PIP4K2A: variants seen among roughly 807,000 people sequenced by gnomAD.
PIP4K2A encodes the protein phosphatidylinositol 5-phosphate 4-kinase type-2 alpha.
PIP4K2A carries 14 observed loss-of-function variants against 42.9 expected under a neutral mutation model. The ratio of observed to expected loss-of-function variants is 0.33; its 90% CI spans 0.22 to 0.51. PIP4K2A has a LOEUF of 0.51. PIP4K2A is among the 20% of genes least tolerant of loss of function. The pLI is 0.97. For missense variants in PIP4K2A, 434 were observed against 519.8 expected, an observed-to-expected ratio of 0.83 and a Z score of 1.61; for synonymous variants, 192 against 192.2, an observed-to-expected ratio of 1.00 and a Z score of 0.01.
chr10:22,621,134 G>A (rs931120136), intron 1 of PIP4K2A, among the ~76,000 whole-genome samples: 3 of 152,222 alleles, frequency 2.0e-5, no homozygotes, highest in Non-Finnish European at 4.4e-5. Flanking sequence ...GGATAAGACA[G>A]ATAAGAGCCA....
intron 1 of PIP4K2A, among the ~76,000 whole-genome samples, chr10:22,697,473 T>C (rs770775778): frequency 4.6e-5 from 7 of 152,134 alleles, no homozygotes; most frequent in Non-Finnish European, 8.8e-5. Flanking sequence ...CCCAAAACTT[T>C]AGGAGGCCGA....
chr10:22,670,477 A>G (rs1839427585), intron 1 of PIP4K2A, among the ~76,000 whole-genome samples: 1 of 152,202 alleles, frequency 6.6e-6, no homozygotes, highest in Non-Finnish European at 1.5e-5. Flanking sequence ...GGTGTTCACT[A>G]CAAAGACAGG....
At chr10:22,673,650 AT>A (rs1839498217) in intron 1 of PIP4K2A, among the ~76,000 whole-genome samples, 1 of 152,184 alleles carries the variant, frequency 6.6e-6, no homozygotes, top group Admixed American at 6.5e-5. Flanking sequence ...AAAATAAAAA[AT>A]AAAAAAAATA....
intron 5 of PIP4K2A, among the ~76,000 whole-genome samples, chr10:22,570,469 G>A (rs1353016105): frequency 6.6e-6 from 1 of 152,182 alleles, no homozygotes; most frequent in Non-Finnish European, 1.5e-5. Flanking sequence ...AGGATGGCTG[G>A]GATTTCCCCA....
chr10:22,543,498 C>T (rs546090547), intron 7 of PIP4K2A, among the ~76,000 whole-genome samples: 4 of 152,332 alleles, frequency 2.6e-5, no homozygotes, highest in South Asian at 2.1e-4. Flanking sequence ...GGGGCTCCTG[C>T]GTTCAGCTTT....
chr10:22,536,969 C>G lies in PIP4K2A; in HGVS notation c.*232G>C. ...CGCGCACACACTCACCCCCCCCCAA[C>G]ACACACACACACACATATACACAAA... is the stretch of plus-strand genomic sequence containing the variant. On this transcript the variant is annotated 3_prime_UTR_variant, in exon 10 of 10. Coordinates refer to ENST00000376573, the MANE Select transcript of PIP4K2A (RefSeq NM_005028.5). 2 of 29,268 alleles carry G rather than the reference C, an allele frequency of 6.8e-5. No individual in the cohort carries two copies. The highest frequency in any genetic ancestry group is 1.2e-3 in the East Asian group (2 of 1,728). 1.8% of individuals were successfully genotyped at this position (29,268 alleles called of 1,614,324 possible). A position where few individuals can be genotyped will look rare whatever the true frequency, so the allele number is the denominator to read the frequency against.
chr10:22,699,320 A>T (rs1018691974), intron 1 of PIP4K2A, among the ~76,000 whole-genome samples: 4 of 152,104 alleles, frequency 2.6e-5, no homozygotes, highest in African/African-American at 9.7e-5. Context: ...CAGGAAATGT[A>T]CTCCAAGGCC....
chr10:22,645,148 T>G (rs1423060130), intron 1 of PIP4K2A, among the ~76,000 whole-genome samples: 2 of 152,218 alleles, frequency 1.3e-5, no homozygotes, highest in African/African-American at 4.8e-5. Context: ...CACACTAGGT[T>G]GAAGCAACTC....
chr10:22,675,698 T>TCCC, intron 1 of PIP4K2A, among the ~76,000 whole-genome samples: 1 of 152,242 alleles, frequency 6.6e-6, no homozygotes, highest in African/African-American at 2.4e-5. Flanking sequence ...GCAGAATGGT[T>TCCC]CCCTTAAATG....
intron 7 of PIP4K2A, among the ~76,000 whole-genome samples, chr10:22,543,136 G>T (rs1836169112): frequency 6.6e-6 from 1 of 152,198 alleles, no homozygotes; most frequent in African/African-American, 2.4e-5. Flanking sequence ...GCCCCGCAGA[G>T]TCATTTCTCC....
intron 1 of PIP4K2A, among the ~76,000 whole-genome samples, chr10:22,684,673 G>A (rs1432532608): frequency 6.6e-6 from 1 of 152,110 alleles, no homozygotes; most frequent in East Asian, 1.9e-4. Flanking sequence ...ACAATCCCTG[G>A]TCTATAGGAT....
chr10:22,580,457 C>A (rs1198410179), intron 4 of PIP4K2A, among the ~76,000 whole-genome samples: 1 of 151,936 alleles, frequency 6.6e-6, no homozygotes, highest in South Asian at 2.1e-4. Flanking sequence ...TGAGATCAAC[C>A]TGGCCAACAT....
chr10:22,622,537 C>T (rs1838354043), intron 1 of PIP4K2A, among the ~76,000 whole-genome samples: 1 of 152,232 alleles, frequency 6.6e-6, no homozygotes, highest in South Asian at 2.1e-4. Flanking sequence ...TGGGTCACTC[C>T]CCGAGGGGAC....
At chr10:22,637,192 T>C (rs930363677) in intron 1 of PIP4K2A, among the ~76,000 whole-genome samples, 1 of 152,092 alleles carries the variant, frequency 6.6e-6, no homozygotes, top group African/African-American at 2.4e-5. Flanking sequence ...AGAGTGAAAA[T>C]GGCCCCATGA....
chr10:22,542,420 C>G (rs74123074), intron 7 of PIP4K2A, among the ~76,000 whole-genome samples: 6 of 152,182 alleles, frequency 3.9e-5, no homozygotes, highest in African/African-American at 1.4e-4. Context: ...AATGGGGAAA[C>G]CCAGGCATCT....
intron 1 of PIP4K2A, among the ~76,000 whole-genome samples, chr10:22,672,992 C>T (rs1564463247): frequency 1.3e-5 from 2 of 152,220 alleles, no homozygotes; most frequent in Admixed American, 1.3e-4. Context: ...TGATCTCTCT[C>T]ATTCCTGCAG....
intron 1 of PIP4K2A, among the ~76,000 whole-genome samples, chr10:22,613,208 G>C (rs1838095628): frequency 6.6e-6 from 1 of 152,138 alleles, no homozygotes; most frequent in South Asian, 2.1e-4. Flanking sequence ...CCTTGGCAGA[G>C]TTGTTTCGGT....
At chr10:22,657,769 C>G (rs987562855) in intron 1 of PIP4K2A, among the ~76,000 whole-genome samples, 4 of 152,176 alleles carry the variant, frequency 2.6e-5, no homozygotes, top group Non-Finnish European at 5.9e-5. Context: ...CTGGCCTGCC[C>G]ACTTGAAAAA....
chr10:22,584,910 G>A (rs890385829), intron 4 of PIP4K2A, among the ~76,000 whole-genome samples: 2 of 152,100 alleles, frequency 1.3e-5, no homozygotes, highest in Admixed American at 6.6e-5. Flanking sequence ...AGAACTGAGT[G>A]CTCAGAATGT....
Sources: allele counts gnomAD v4.1 joint callset (sites outside exome capture counted in the v4.1 genomes callset), GRCh38; gene constraint gnomAD v4.1.1; transcripts MANE v1.5; gene names NCBI Gene and HGNC (gene_info 2026-07-23, HGNC 2026-07-21).